Variants in TDRD5 observed in about 807,000 individuals in gnomAD.
TDRD5 encodes tudor domain containing 5, also known as tudor domain-containing protein 5.
A neutral mutation model predicts 120.6 loss-of-function variants in TDRD5; 41 were observed. That is an observed-to-expected ratio of 0.34 (90% CI 0.26 to 0.44). TDRD5 has a LOEUF of 0.44. TDRD5 is among the 20% of genes least tolerant of loss of function. The pLI, the probability that TDRD5 is intolerant of heterozygous loss-of-function variation, is 1.00. For synonymous variants in TDRD5, 430 were observed against 433.7 expected, an observed-to-expected ratio of 0.99 and a Z score of 0.11; for missense variants, 1,006 against 1,221.2, an observed-to-expected ratio of 0.82 and a Z score of 2.63.
intron 4 of TDRD5, among the ~76,000 whole-genome samples, chr1:179,604,779 C>T (rs747838621): frequency 2.6e-5 from 4 of 152,014 alleles, no homozygotes; most frequent in African/African-American, 7.2e-5. Flanking sequence ...TATTGAGGCT[C>T]GTTTTATGGC....
chr1:179,605,609 C>T (rs1007553205), intron 4 of TDRD5, among the ~76,000 whole-genome samples: 1 of 152,158 alleles, frequency 6.6e-6, no homozygotes, highest in Non-Finnish European at 1.5e-5. Context: ...GTCCTCTGTG[C>T]TTGCGCCTGT....
chr1:179,629,804 C>T (rs1480132422), intron 6 of TDRD5, among the ~76,000 whole-genome samples: 2 of 151,730 alleles, frequency 1.3e-5, no homozygotes, highest in Middle Eastern at 3.2e-3. Context: ...ACATGATAGA[C>T]GGTCCTTTTA....
At chr1:179,603,676 AT>A (rs1675830777) in intron 4 of TDRD5, among the ~76,000 whole-genome samples, 1 of 152,180 alleles carries the variant, frequency 6.6e-6, no homozygotes, top group Non-Finnish European at 1.5e-5. Flanking sequence ...GGTGTATCAC[AT>A]TTATTGACTT....
At position 179,593,743 on chromosome 1, in the gene TDRD5, T is replaced by C. The variant is rs1478995256; in HGVS notation, c.516T>C (p.Phe172=). The part of the protein sequence containing the change: ...GRSFQYMQYG[F]LSMFEVLNAA... ...CATTCCAATACATGCAATATGGATT[T>C]CTCTCTATGTTTGAAGTGCTTAATG... is the stretch of plus-strand genomic sequence containing the variant. The change falls in exon 3 of 18, where the codon TTT becomes TTC. Residue 172 remains phenylalanine (F), a synonymous_variant. Coordinates refer to ENST00000444136, the MANE Select transcript of TDRD5 (RefSeq NM_001199085.3). 1 of 1,614,248 alleles carries C rather than the reference T, an allele frequency of 6.2e-7. No homozygotes were observed. The highest frequency in any genetic ancestry group is 1.7e-5 in the Admixed American group (1 of 60,028).
chr1:179,653,926 C>T (rs576784170), intron 13 of TDRD5, among the ~76,000 whole-genome samples: 1 of 152,312 alleles, frequency 6.6e-6, no homozygotes, highest in East Asian at 1.9e-4. Context: ...CTTTCCACAA[C>T]ATTTTTTAGT....
At chr1:179,685,638 G>A (rs917634019) in intron 17 of TDRD5, among the ~76,000 whole-genome samples, 2 of 152,134 alleles carry the variant, frequency 1.3e-5, no homozygotes, top group African/African-American at 2.4e-5. Flanking sequence ...TGGGCAGTAT[G>A]GCCGTTTTCA....
Position 179,613,677 on chromosome 1 carries a change from C to T in TDRD5, c.832-4922C>T, listed in dbSNP as rs1025605489. ...ACAATGCAAAAGGGGCAAGGGATCTCGCCAAGGCCTCTCTAATAGGGGCAC... is the reference window on the plus strand; with the variant it reads ...ACAATGCAAAAGGGGCAAGGGATCTTGCCAAGGCCTCTCTAATAGGGGCAC... On this transcript the variant is annotated intron_variant, in intron 4 of 17. Transcript: ENST00000444136. 4.6e-5 allele frequency among the ~76,000 whole-genome samples: 7 copies of T among 152,248 alleles called. No homozygotes were observed. In the South Asian group the frequency reaches 8.3e-4, roughly 18 times the overall value.
rs373903579 is a variant in TDRD5 at position 179,663,330 on chromosome 1, G to A, written c.2506-18G>A. On this transcript the variant is annotated intron_variant, in intron 15 of 17. Coordinates refer to ENST00000444136, the MANE Select transcript of TDRD5 (RefSeq NM_001199085.3). ...TTGCACTTTATCTCAGTCTGTTGTT[G>A]CCATTTTTTCATTATAGGACTGGTG... 4 of 1,593,164 alleles carry A rather than the reference G, an allele frequency of 2.5e-6. No individual in the cohort carries two copies. The highest frequency in any genetic ancestry group is 2.6e-6 in the Non-Finnish European group (3 of 1,172,514).
intron 4 of TDRD5, among the ~76,000 whole-genome samples, chr1:179,606,631 A>G (rs1015761283): frequency 6.6e-6 from 1 of 152,078 alleles, no homozygotes; most frequent in African/African-American, 2.4e-5. Context: ...AGGTCTAGAT[A>G]TGTGTGTGTG....
At chr1:179,620,807 A>G (rs1676799837) in intron 5 of TDRD5, among the ~76,000 whole-genome samples, 1 of 152,128 alleles carries the variant, frequency 6.6e-6, no homozygotes, top group Admixed American at 6.5e-5. Context: ...TTGCAGTAGC[A>G]TGTAATAATC....
chr1:179,659,550 CGTGTGTGTGT>C (rs71569263), intron 14 of TDRD5, among the ~76,000 whole-genome samples: 228 of 129,880 alleles, frequency 1.8e-3, no homozygotes, highest in Non-Finnish European at 1.8e-3. Flanking sequence ...TTCCAGTTTT[CGTGTGTGTGT>C]GTGTGTGTGT....
Position 179,669,160 on chromosome 1 carries a change from T to G in TDRD5, c.2650-34T>G, listed in dbSNP as rs774488143. ...CTTAATTATTCTTATACTAACACTT[T>G]TCATGTTTTTGCCCCATTTTTCCCA... On this transcript the variant is annotated intron_variant, in intron 16 of 17. Transcript: ENST00000444136. 5 of 1,585,246 alleles carry G rather than the reference T, an allele frequency of 3.2e-6. No individual in the cohort carries two copies. In the South Asian group the frequency reaches 4.6e-5, roughly 14 times the overall value.
At chr1:179,681,533 G>T (rs1680420972) in intron 17 of TDRD5, among the ~76,000 whole-genome samples, 1 of 152,068 alleles carries the variant, frequency 6.6e-6, no homozygotes, top group South Asian at 2.1e-4. Flanking sequence ...TTCCATTACA[G>T]TGTTCTTCAT....
At chr1:179,640,589 A>C in intron 11 of TDRD5, 144 bp downstream of exon 11, 1 of 819,970 alleles carries the variant, frequency 1.2e-6, no homozygotes, top group Admixed American at 2.7e-5. Flanking sequence ...GAAAATAGAC[A>C]TGTAGACAAA....
At chr1:179,677,662 G>A (rs1680207739) in intron 17 of TDRD5, among the ~76,000 whole-genome samples, 2 of 152,150 alleles carry the variant, frequency 1.3e-5, no homozygotes, top group African/African-American at 4.8e-5. Context: ...TGGGCTCTGG[G>A]CTGGTACTGG....
chr1:179,595,943 C>A, intron 4 of TDRD5, 125 bp downstream of exon 4: 2 of 957,132 alleles, frequency 2.1e-6, no homozygotes, highest in Non-Finnish European at 2.9e-6. Context: ...TCAAATTTGA[C>A]TAAGCATTTC....
chr1:179,624,031 G>A (rs10913839), intron 6 of TDRD5, among the ~76,000 whole-genome samples: 13,668 of 151,996 alleles, frequency 0.09, 679 homozygotes, highest in Middle Eastern at 0.12. Context: ...TCGTAACGTG[G>A]ACACAAAAGT....
In TDRD5 at chr1:179,635,723, G is replaced by A. The variant is rs140196753; in HGVS notation, c.1356G>A (p.Pro452=). Residue 452 remains proline, a synonymous_variant, in exon 9 of 18, where the codon CCG becomes CCA. Coordinates refer to ENST00000444136, the MANE Select transcript of TDRD5 (RefSeq NM_001199085.3). The part of the protein sequence containing the change: ...LNLAMANHDI[P]PDAVPNKKLC... ...TGGCAATGGCAAATCATGACATCCC[G>A]CCAGACGCTGTGCCGAACAAGAAAT... The A allele has an allele frequency of 2.3e-4, 378 of 1,613,838 alleles. 1 individual carries two copies. In the African/African-American group the frequency reaches 4.5e-3, roughly 19 times the overall value.
chr1:179,654,583 G>A (rs192789927), intron 14 of TDRD5, among the ~76,000 whole-genome samples: 1 of 152,122 alleles, frequency 6.6e-6, no homozygotes, highest in African/African-American at 2.4e-5. Context: ...TGGTCAACAT[G>A]ATGATACCTT....
Sources: gnomAD v4.1 joint callset for allele counts (sites outside exome capture counted in the v4.1 genomes callset) on GRCh38, gnomAD v4.1.1 for gene constraint, MANE v1.5 for transcripts, NCBI Gene and HGNC (gene_info 2026-07-23, HGNC 2026-07-21) for gene names.